FOXK1: variants seen among roughly 807,000 people sequenced by gnomAD.
FOXK1 encodes forkhead box K1, also known as forkhead box protein K1.
Under a neutral mutation model 51.9 loss-of-function variants are expected in FOXK1, and 19 were observed. The ratio of observed to expected loss-of-function variants is 0.37; its 90% CI spans 0.26 to 0.54. The LOEUF (loss-of-function observed/expected upper bound fraction) is 0.54. Ranked by LOEUF, FOXK1 falls within the 20% of genes least tolerant of loss-of-function variation. The pLI, the probability that FOXK1 is intolerant of heterozygous loss-of-function variation, is 0.87. For missense variants in FOXK1, 870 were observed against 1,032.7 expected (o/e 0.84, Z 2.16); for synonymous variants, 537 against 482.6 (o/e 1.11, Z -1.48).
At chr7:4,704,176 C>T (rs1028478463) in intron 1 of FOXK1, among the ~76,000 whole-genome samples, 1 of 152,002 alleles carries the variant, frequency 6.6e-6, no homozygotes, top group Admixed American at 6.6e-5. Flanking sequence ...CCTGGCCGGG[C>T]GTGGTGGCGC....
intron 1 of FOXK1, among the ~76,000 whole-genome samples, chr7:4,697,787 G>A (rs905665136): frequency 8.3e-6 from 1 of 120,042 alleles, no homozygotes; most frequent in African/African-American, 3.1e-5. Context: ...GTGTGTGTGT[G>A]TGTTTCTTTG....
intron 3 of FOXK1, chr7:4,754,825 C>G (rs1370546121): frequency 5.9e-6 from 4 of 679,802 alleles, no homozygotes; most frequent in Non-Finnish European, 2.4e-6. Flanking sequence ...TTGCTGGTGA[C>G]AGGGGTGGCG....
In FOXK1 at chr7:4,762,508, C is replaced by G. The variant is rs1220211076; in HGVS notation, c.*44C>G. The G allele has an allele frequency of 2.0e-6, 3 of 1,506,010 alleles. No homozygotes were observed. Among genetic ancestry groups the G allele is most frequent in the Non-Finnish European group, 2.7e-6 (3 of 1,120,520 alleles). The allele number at this position is 1,506,010 out of a possible 1,614,324, so 93.3% of individuals were successfully genotyped here. On this transcript the variant is annotated 3_prime_UTR_variant, in exon 9 of 9. Coordinates refer to ENST00000328914, the MANE Select transcript of FOXK1 (RefSeq NM_001037165.2). The surrounding 1 kb of genome is among the most constrained non-coding windows in gnomAD (Gnocchi z 5.7). ...GGAGTGGGACTCACCCAGCGGCGAC[C>G]CCGAAGCTGGACCCGGCAGCTCAGG...
chr7:4,704,849 T>TTTTTTTTTTTTTTG (rs1780063546), intron 1 of FOXK1, among the ~76,000 whole-genome samples: 1 of 150,392 alleles, frequency 6.6e-6, no homozygotes, highest in African/African-American at 2.5e-5. Context: ...TTTTTTTTTT[T>TTTTTTTTTTTTTTG]GAGAAAAAGT....
chr7:4,759,193 T>A lies in FOXK1; in HGVS notation c.1387T>A (p.Tyr463Asn). ...GTCCAAGTTAGCTTCTGTCCCAGAG[T>A]ACCGGTATTCCCAAAGCGCACCCGG... ...FGSKLASVPE[Y>N]RYSQSAPGSP... is the part of the protein sequence containing the mutation. The change falls in exon 6 of 9, where the codon TAC becomes AAC. Residue 463 changes from tyrosine (Y) to asparagine (N), a missense_variant. By Grantham distance (143) the Tyr-to-Asn change is moderately radical (BLOSUM62 -2). Coordinates refer to ENST00000328914, the MANE Select transcript of FOXK1 (RefSeq NM_001037165.2). 6.2e-7 allele frequency: 1 copy of A among 1,612,312 alleles called. No individual in the cohort carries two copies. The highest frequency in any genetic ancestry group is 1.1e-5 in the South Asian group (1 of 91,076).
chr7:4,764,390 G>A lies in FOXK1; in HGVS notation c.*1926G>A, dbSNP rs1481414600. On this transcript the variant is annotated 3_prime_UTR_variant, in exon 9 of 9. Transcript: ENST00000328914. ...TGTGGAAGTCCGTACCTGTTGCCCT[G>A]GGTGAGGTTTCAGAGAAACGGGGGC... 6.5e-6 allele frequency: 1 copy of A among 154,500 alleles called. No homozygotes were observed. The highest frequency in any genetic ancestry group is 2.4e-5 in the African/African-American group (1 of 41,540). 9.6% of individuals were successfully genotyped at this position (154,500 alleles called of 1,614,324 possible).
chr7:4,750,358 A>C (rs1780759351), intron 2 of FOXK1, among the ~76,000 whole-genome samples: 1 of 152,038 alleles, frequency 6.6e-6, no homozygotes, highest in African/African-American at 2.4e-5. Flanking sequence ...GGTCCCTGTC[A>C]GGGAGCAGTG....
chr7:4,759,227 G>C lies in FOXK1; in HGVS notation c.1411+10G>C, dbSNP rs773289863. 1.2e-6 allele frequency: 2 copies of C among 1,611,856 alleles called. No homozygotes were observed. Among genetic ancestry groups the C allele is most frequent in the South Asian group, 1.1e-5 (1 of 91,084 alleles). On this transcript the variant is annotated intron_variant, in intron 6 of 8. Coordinates refer to ENST00000328914, the MANE Select transcript of FOXK1 (RefSeq NM_001037165.2). ...TCCCAAAGCGCACCCGGTAAGGAGC[G>C]GGCGGCCCTCTTGCGGGGCGGGGCG...
Position 4,755,460 on chromosome 7 carries a change from T to A in FOXK1, c.1050+77T>A. ...GAACTCACAGGCATATTGCTTCCCT[T>A]AAAACAGAAGAGGGCCAGTGAGGGG... is the stretch of plus-strand genomic sequence containing the variant. On this transcript the variant is annotated intron_variant, in intron 4 of 8. Transcript: ENST00000328914. The surrounding 1 kb of genome is among the most constrained non-coding windows in gnomAD (Gnocchi z 6.6). 6.4e-7 allele frequency: 1 copy of A among 1,563,030 alleles called. No homozygotes were observed. Among genetic ancestry groups the A allele is most frequent in the Admixed American group, 1.8e-5 (1 of 56,450 alleles).
In FOXK1 at chr7:4,762,563, C is replaced by T; in HGVS notation, c.*99C>T. 1 of 1,253,298 alleles carries T rather than the reference C, an allele frequency of 8.0e-7. No individual in the cohort carries two copies. 77.6% of individuals were successfully genotyped at this position (1,253,298 alleles called of 1,614,324 possible). On this transcript the variant is annotated 3_prime_UTR_variant, in exon 9 of 9. Transcript: ENST00000328914. The surrounding 1 kb of genome is among the most constrained non-coding windows in gnomAD (Gnocchi z 5.7). ...CGCACCCACAGACGGAGGAGAACAGCCCGCGGCGGCCTGTGGGCATCGGCG... is the reference window on the plus strand; with the variant it reads ...CGCACCCACAGACGGAGGAGAACAGTCCGCGGCGGCCTGTGGGCATCGGCG...
At chr7:4,736,978 A>C (rs1411262024) in intron 1 of FOXK1, among the ~76,000 whole-genome samples, 1 of 152,228 alleles carries the variant, frequency 6.6e-6, no homozygotes, top group African/African-American at 2.4e-5. Context: ...GATTTAGCCC[A>C]AGGTCAGATG....
intron 1 of FOXK1, among the ~76,000 whole-genome samples, chr7:4,726,083 G>A (rs1316110669): frequency 6.6e-6 from 1 of 152,046 alleles, no homozygotes; most frequent in Non-Finnish European, 1.5e-5. Context: ...TTGCATTTGG[G>A]GGCTCTCTTG....
Position 4,768,231 on chromosome 7 carries a change from C to T in FOXK1, c.*5767C>T, listed in dbSNP as rs1280027767. The T allele has an allele frequency of 7.7e-6, 1 of 130,342 alleles. No individual in the cohort carries two copies. Among genetic ancestry groups the T allele is most frequent in the East Asian group, 2.1e-4 (1 of 4,720 alleles). The allele number at this position is 130,342 out of a possible 1,614,324, so 8.1% of individuals were successfully genotyped here. A position where few individuals can be genotyped will look rare whatever the true frequency, so the allele number is the denominator to read the frequency against. On this transcript the variant is annotated 3_prime_UTR_variant, in exon 9 of 9. Coordinates refer to ENST00000328914, the MANE Select transcript of FOXK1 (RefSeq NM_001037165.2). ...CACTGCAAGCTCCGCCTCCCGGGTT[C>T]ACGCCATTCTCCTGCCTCAGCCTCC...
In FOXK1 at chr7:4,723,913, CT is replaced by C. The variant is rs776245136; in HGVS notation, c.561-16924del. The stretch of plus-strand genomic sequence containing the variant: ...CTCGACCTCCTAGGCTCAAGCGATC[CT>C]CCTACCTCAGCTTCCCAAAGTGCTG... On this transcript the variant is annotated intron_variant, in intron 1 of 8. Transcript: ENST00000328914. The surrounding 1 kb of genome is among the most constrained non-coding windows in gnomAD (Gnocchi z 4.7). 4.3e-4 allele frequency among the ~76,000 whole-genome samples: 65 copies of C among 152,324 alleles called. No individual in the cohort carries two copies. Among genetic ancestry groups the C allele is most frequent in the Non-Finnish European group, 6.2e-4 (42 of 68,034 alleles).
intron 1 of FOXK1, among the ~76,000 whole-genome samples, chr7:4,686,937 C>T (rs28619062): frequency 0.059 from 6,867 of 117,102 alleles, 589 homozygotes; most frequent in African/African-American, 0.26. Context: ...TTTTTCTTTT[C>T]TTTTTTTTTT....
chr7:4,752,546 GGGTGCCCCTCATT>G (rs761405753), intron 2 of FOXK1, among the ~76,000 whole-genome samples: 1 of 152,216 alleles, frequency 6.6e-6, no homozygotes, highest in Non-Finnish European at 1.5e-5. Flanking sequence ...GAGTGCTGGG[GGGTGCCCCTCATT>G]GGTCCTCAGG....
intron 1 of FOXK1, among the ~76,000 whole-genome samples, chr7:4,739,305 C>T (rs78722711): frequency 6.6e-6 from 1 of 152,304 alleles, no homozygotes; most frequent in African/African-American, 2.4e-5. Flanking sequence ...CTTTCTTAAC[C>T]CCCTCCTACA....
chr7:4,705,946 TTATATATATATATGTA>T (rs1455689376), intron 1 of FOXK1, among the ~76,000 whole-genome samples: 13 of 132,536 alleles, frequency 9.8e-5, no homozygotes, highest in Admixed American at 2.9e-4. Context: ...ACTTTCAAAA[TTATATATATATATGTA>T]TATATATATA....
intron 1 of FOXK1, among the ~76,000 whole-genome samples, chr7:4,724,305 C>T (rs1345034271): frequency 6.6e-6 from 1 of 152,198 alleles, no homozygotes; most frequent in Non-Finnish European, 1.5e-5. Flanking sequence ...CGGAGATTCT[C>T]CTGCCTCAAC....
Sources: allele counts gnomAD v4.1 joint callset (sites outside exome capture counted in the v4.1 genomes callset), GRCh38; gene constraint gnomAD v4.1.1; non-coding constraint Gnocchi (gnomAD v3.1); transcripts MANE v1.5; gene names NCBI Gene and HGNC (gene_info 2026-07-23, HGNC 2026-07-21).